CEP85L: variants seen among roughly 807,000 people sequenced by gnomAD.
CEP85L encodes the protein centrosomal protein 85L.
CEP85L carries 60 observed loss-of-function variants against 100.3 expected under a neutral mutation model. That is an observed-to-expected ratio of 0.60 (90% confidence interval 0.49 to 0.74). CEP85L has a LOEUF of 0.74. Among genes scored for constraint, CEP85L ranks in the 30% least tolerant of loss-of-function variants. The pLI is 0.00. For synonymous variants in CEP85L, 319 were observed against 322.7 expected (o/e 0.99, Z 0.12); for missense variants, 973 against 936.2 (o/e 1.04, Z -0.51).
chr6:118,552,784 G>C (rs554637546), intron 3 of CEP85L, among the ~76,000 whole-genome samples: 1 of 151,990 alleles, frequency 6.6e-6, no homozygotes, highest in African/African-American at 2.4e-5. Flanking sequence ...CTAAAAAGTA[G>C]AGTAATCATG....
At chr6:118,684,304 C>T (rs1776759924) in intron 1 of CEP85L, among the ~76,000 whole-genome samples, 1 of 151,996 alleles carries the variant, frequency 6.6e-6, no homozygotes, top group Admixed American at 6.6e-5. Context: ...GCTTAAAGAC[C>T]AGCTGGAGCA....
intron 12 of CEP85L, among the ~76,000 whole-genome samples, chr6:118,466,388 A>G (rs904441984): frequency 1.3e-5 from 2 of 152,146 alleles, no homozygotes; most frequent in Non-Finnish European, 2.9e-5. Flanking sequence ...TGAAGTCAGA[A>G]AAGGAACAGA....
rs150011666 is a variant in CEP85L at position 118,704,744 on chromosome 6, T to C, written c.-28+5292A>G. On this transcript the variant is annotated intron_variant, in intron 1 of 13. Coordinates refer to the CEP85L transcript ENST00000368488. ...CCTCGGCCTCCCACAGTGCTGGGAT[T>C]ACAGGCTTGAGCCACCACGCCTGGC... Among the ~76,000 whole-genome samples, 292 of 152,310 alleles carry C rather than the reference T, an allele frequency of 1.9e-3. 2 individuals carry two copies. Among genetic ancestry groups the C allele is most frequent in the Non-Finnish European group, 2.8e-3 (192 of 68,020 alleles).
At chr6:118,488,038 T>C (rs1431686812) in intron 6 of CEP85L, among the ~76,000 whole-genome samples, 1 of 152,046 alleles carries the variant, frequency 6.6e-6, no homozygotes, top group Admixed American at 6.6e-5. Context: ...AGTACAAAGA[T>C]ATGAAAAGCC....
At chr6:118,534,428 G>C (rs753389946) in intron 3 of CEP85L, among the ~76,000 whole-genome samples, 1 of 152,012 alleles carries the variant, frequency 6.6e-6, no homozygotes, top group African/African-American at 2.4e-5. Context: ...CGAAGTGGGC[G>C]GATCATCTGA....
intron 1 of CEP85L, among the ~76,000 whole-genome samples, chr6:118,635,044 T>A (rs1774407304): frequency 6.6e-6 from 1 of 152,236 alleles, no homozygotes; most frequent in South Asian, 2.1e-4. Context: ...CGTATATTTT[T>A]GTGGCCTTGC....
At chr6:118,627,658 G>A (rs1162356351) in intron 2 of CEP85L, among the ~76,000 whole-genome samples, 6 of 152,156 alleles carry the variant, frequency 3.9e-5, no homozygotes, top group Non-Finnish European at 8.8e-5. Flanking sequence ...AGACTTTTAC[G>A]AGTTTTACTT....
chr6:118,600,364 TGTGTGTAA>T (rs1289264932), intron 2 of CEP85L, among the ~76,000 whole-genome samples: 65 of 131,410 alleles, frequency 4.9e-4, no homozygotes, highest in African/African-American at 5.1e-4. Flanking sequence ...TGTGTGTGTG[TGTGTGTAA>T]CGCCATGGAG....
chr6:118,706,215 G>T (rs778899603), intron 1 of CEP85L, among the ~76,000 whole-genome samples: 1 of 152,174 alleles, frequency 6.6e-6, no homozygotes, highest in Non-Finnish European at 1.5e-5. Context: ...TCATTTTCTA[G>T]ATAGAAGAAC....
intron 1 of CEP85L, among the ~76,000 whole-genome samples, chr6:118,635,730 C>G (rs1774452112): frequency 6.6e-6 from 1 of 152,146 alleles, no homozygotes; most frequent in Middle Eastern, 3.2e-3. Context: ...TAAAGTCATG[C>G]TCCATTAAAG....
chr6:118,653,667 C>A (rs1339575446), upstream of CEP85L, among the ~76,000 whole-genome samples: 3 of 151,294 alleles, frequency 2.0e-5, no homozygotes, highest in Non-Finnish European at 4.4e-5. Context: ...AAAGCAAAGA[C>A]AGTTATCGTT....
At chr6:118,666,261 C>A (rs776756988) in intron 1 of CEP85L, among the ~76,000 whole-genome samples, 1 of 152,102 alleles carries the variant, frequency 6.6e-6, no homozygotes, top group Non-Finnish European at 1.5e-5. Flanking sequence ...ATATCCAAAG[C>A]GGACCTATAC....
chr6:118,543,807 A>G (rs1277814417), intron 3 of CEP85L, among the ~76,000 whole-genome samples: 1 of 152,254 alleles, frequency 6.6e-6, no homozygotes, highest in Non-Finnish European at 1.5e-5. Context: ...AGAGAAATCA[A>G]TAAAAAGTTC....
intron 2 of CEP85L, among the ~76,000 whole-genome samples, chr6:118,580,031 TG>T (rs532049410): frequency 1.5e-3 from 236 of 152,328 alleles, no homozygotes; most frequent in African/African-American, 5.3e-3. Flanking sequence ...CAGATTTTTG[TG>T]GGCTACATGA....
intron 1 of CEP85L, among the ~76,000 whole-genome samples, chr6:118,702,848 A>T (rs548158316): frequency 3.9e-5 from 6 of 152,016 alleles, no homozygotes; most frequent in African/African-American, 1.4e-4. Flanking sequence ...TACAAAAAAT[A>T]AGCCGGGCTT....
chr6:118,622,582 C>T (rs1773522163), intron 2 of CEP85L, among the ~76,000 whole-genome samples: 1 of 152,224 alleles, frequency 6.6e-6, no homozygotes, highest in African/African-American at 2.4e-5. Flanking sequence ...GTTAGCAGAA[C>T]TCGTGGCACT....
chr6:118,636,784 G>A (rs1403214607), intron 1 of CEP85L, among the ~76,000 whole-genome samples: 2 of 152,114 alleles, frequency 1.3e-5, no homozygotes, highest in Admixed American at 1.3e-4. Context: ...TCTTCCTGGG[G>A]CTTGAGCCTG....
chr6:118,606,929 G>C (rs1772264406), intron 2 of CEP85L, among the ~76,000 whole-genome samples: 1 of 152,012 alleles, frequency 6.6e-6, no homozygotes, highest in African/African-American at 2.4e-5. Context: ...CAGAGAGAGA[G>C]AGAAGCCTGA....
intron 2 of CEP85L, among the ~76,000 whole-genome samples, chr6:118,608,947 T>C (rs1052104128): frequency 6.6e-6 from 1 of 152,214 alleles, no homozygotes; most frequent in Admixed American, 6.5e-5. Flanking sequence ...TAAATGCCCA[T>C]GGAGATCAAA....
Sources: allele counts gnomAD v4.1 joint callset (sites outside exome capture counted in the v4.1 genomes callset), GRCh38; gene constraint gnomAD v4.1.1; transcripts MANE v1.5; gene names NCBI Gene and HGNC (gene_info 2026-07-23, HGNC 2026-07-21).